SFMBT2: variants seen among roughly 807,000 people sequenced by gnomAD.
SFMBT2 encodes Scm like with four mbt domains 2, also known as scm-like with four MBT domains protein 2.
In SFMBT2, 38 loss-of-function variants were observed where a neutral mutation model predicts 110.1. That is an observed-to-expected ratio of 0.35 (90% CI 0.27 to 0.45). SFMBT2 has a LOEUF of 0.45. Among genes scored for constraint, SFMBT2 ranks in the 20% least tolerant of loss-of-function variants. The pLI is 1.00. For synonymous variants in SFMBT2, 425 were observed against 425.4 expected (o/e 1.00, Z 0.01); for missense variants, 1,011 against 1,094.9 (o/e 0.92, Z 1.08).
chr10:7,324,742 T>TTG (rs1236266910), intron 4 of SFMBT2, among the ~76,000 whole-genome samples: 1 of 152,200 alleles, frequency 6.6e-6, no homozygotes, highest in Non-Finnish European at 1.5e-5. Flanking sequence ...GGGGGCAGCA[T>TTG]GGTCAGTTTC....
At chr10:7,205,565 T>C in intron 12 of SFMBT2, 1 of 985,406 alleles carries the variant, frequency 1.0e-6, no homozygotes, top group Non-Finnish European at 1.2e-6. Flanking sequence ...AGAGTGATGA[T>C]TTCAGATATT....
At chr10:7,345,655 C>T (rs1231299411) in intron 4 of SFMBT2, among the ~76,000 whole-genome samples, 3 of 152,216 alleles carry the variant, frequency 2.0e-5, no homozygotes, top group African/African-American at 7.2e-5. Flanking sequence ...CCGTGCCCAG[C>T]CCAAATATCT....
At chr10:7,246,718 CAAAAAA>C (rs397949347) in intron 8 of SFMBT2, among the ~76,000 whole-genome samples, 2 of 72,158 alleles carry the variant, frequency 2.8e-5, no homozygotes, top group Non-Finnish European at 4.8e-5. Flanking sequence ...GACTCCATCT[CAAAAAA>C]AAAAAAAAAA....
chr10:7,225,788 G>A (rs1839883017), intron 10 of SFMBT2, among the ~76,000 whole-genome samples: 1 of 152,186 alleles, frequency 6.6e-6, no homozygotes, highest in Middle Eastern at 3.2e-3. Flanking sequence ...TCTTCCAAAA[G>A]TTAATGATTC....
intron 4 of SFMBT2, among the ~76,000 whole-genome samples, chr10:7,287,855 T>C (rs1842142726): frequency 6.6e-6 from 1 of 152,194 alleles, no homozygotes; most frequent in Admixed American, 6.5e-5. Flanking sequence ...TGCATGACTT[T>C]GAATAATTTA....
chr10:7,227,945 T>A lies in SFMBT2; in HGVS notation c.1121-8A>T. The A allele has an allele frequency of 6.3e-7, 1 of 1,578,724 alleles. No individual in the cohort carries two copies. The highest frequency in any genetic ancestry group is 1.7e-4 in the Middle Eastern group (1 of 5,960). ...AGTCCTGGCCAGAGTAACCTGGGAA[T>A]GACAAAACACAGATAAAACAGCGCA... is the stretch of plus-strand genomic sequence containing the variant. On this transcript the variant is annotated splice_polypyrimidine_tract_variant and splice_region_variant and intron_variant, in intron 9 of 20. Transcript: ENST00000397167.
chr10:7,244,403 T>A (rs17142586), intron 8 of SFMBT2, among the ~76,000 whole-genome samples: 2,463 of 152,318 alleles, frequency 0.016, 32 homozygotes, highest in Admixed American at 0.021. Flanking sequence ...CCTAGACCGA[T>A]TACACATCAG....
At chr10:7,199,294 T>A (rs879623282) in intron 14 of SFMBT2, among the ~76,000 whole-genome samples, 1 of 152,184 alleles carries the variant, frequency 6.6e-6, no homozygotes, top group Admixed American at 6.5e-5. Context: ...TTTCTTAATG[T>A]CTATAAATGT....
chr10:7,409,456 A>ACG (rs1846311871), intron 1 of SFMBT2: 1 of 152,128 alleles, frequency 6.6e-6, no homozygotes, highest in South Asian at 2.1e-4. Flanking sequence ...TGGTTCCAAG[A>ACG]CGCACACACA....
chr10:7,204,313 T>C (rs1839057905), intron 12 of SFMBT2: 8 of 983,860 alleles, frequency 8.1e-6, no homozygotes, highest in Non-Finnish European at 9.7e-6. Flanking sequence ...AGCTATGCAA[T>C]GGAACTGTGT....
rs717931 is a variant in SFMBT2, at chr10:7,262,006, C to T, written c.871-13357G>A. 8.7e-3 allele frequency among the ~76,000 whole-genome samples: 1,322 copies of T among 152,354 alleles called. 16 individuals carry two copies. The highest frequency in any genetic ancestry group is 0.03 in the African/African-American group (1,234 of 41,582). On this transcript the variant is annotated intron_variant, in intron 7 of 20. Coordinates refer to ENST00000397167, the MANE Select transcript of SFMBT2 (RefSeq NM_001387889.1). The stretch of plus-strand genomic sequence containing the variant: ...CCCTCCCTGGGGGCAGGGGTGACAG[C>T]GCTGAAGGGCAAGGCCCGGTGGCAT...
intron 4 of SFMBT2, among the ~76,000 whole-genome samples, chr10:7,342,644 G>A (rs909573043): frequency 1.4e-4 from 21 of 152,084 alleles, no homozygotes; most frequent in East Asian, 1.9e-4. Context: ...TGATCCGCCC[G>A]CCTCTGCCTC....
intron 15 of SFMBT2, among the ~76,000 whole-genome samples, chr10:7,196,310 C>A (rs1242239638): frequency 1.3e-5 from 2 of 152,176 alleles, no homozygotes; most frequent in African/African-American, 2.4e-5. Flanking sequence ...CCTTTTATGC[C>A]ACGGTTTATC....
chr10:7,320,900 C>T (rs1409136182), intron 4 of SFMBT2, among the ~76,000 whole-genome samples: 1 of 152,212 alleles, frequency 6.6e-6, no homozygotes, highest in Non-Finnish European at 1.5e-5. Context: ...GGCCTGCCAA[C>T]GGCCCAGTTC....
At position 7,172,025 on chromosome 10, in the gene SFMBT2, G is replaced by C; in HGVS notation, c.2285C>G (p.Thr762Ser). ...CACGGGCTCTGAGCCGCTCCGCAGG[G>C]TGACGGCCCTCCGGGGCCGGGCCGA... Reference protein sequence around the residue: ...VPSARPRRAVTLRSGSEPVRR... With the variant: ...VPSARPRRAVSLRSGSEPVRR... The change falls in exon 19 of 21, where the codon ACC (threonine) becomes AGC (serine). Residue 762 changes from threonine (T) to serine (S), a missense_variant. Transcript: ENST00000397167. This position sits in a 1 kb window ranked among gnomAD's most constrained non-coding sequence, Gnocchi z 4.6. The C allele has an allele frequency of 6.3e-7, 1 of 1,586,114 alleles. No homozygotes were observed. Among genetic ancestry groups the C allele is most frequent in the Non-Finnish European group, 8.6e-7 (1 of 1,167,842 alleles).
In SFMBT2 at chr10:7,410,941, C is replaced by T. The variant is rs984461191; in HGVS notation, c.-132G>A. ...AGGGCACCGGCCTCGCTCGCTTGCT[C>T]GCTCGCCCGCCCTTGCCCGCTCGCT... is the stretch of plus-strand genomic sequence containing the variant. On this transcript the variant is annotated 5_prime_UTR_variant, in exon 1 of 21. Transcript: ENST00000397167. Among the ~76,000 whole-genome samples the T allele has an allele frequency of 2.0e-5, 3 of 151,572 alleles. No individual in the cohort carries two copies. The highest frequency in any genetic ancestry group is 2.9e-5 in the Non-Finnish European group (2 of 67,830).
At chr10:7,254,393 T>C (rs771003357) in intron 7 of SFMBT2, among the ~76,000 whole-genome samples, 1 of 152,050 alleles carries the variant, frequency 6.6e-6, no homozygotes, top group Admixed American at 6.5e-5. Flanking sequence ...AGATCCAGAC[T>C]GAGAAGGAAC....
chr10:7,388,998 G>A (rs957189664), intron 1 of SFMBT2, among the ~76,000 whole-genome samples: 13 of 152,268 alleles, frequency 8.5e-5, no homozygotes, highest in Non-Finnish European at 1.6e-4. Flanking sequence ...GAAGGGAACA[G>A]GTCCAAGAAG....
chr10:7,392,430 G>A (rs1240189132), intron 1 of SFMBT2, among the ~76,000 whole-genome samples: 7 of 152,052 alleles, frequency 4.6e-5, no homozygotes, highest in African/African-American at 1.2e-4. Context: ...CAGGAGAATC[G>A]CTTGAACCCA....
Sources: allele counts gnomAD v4.1 joint callset (sites outside exome capture counted in the v4.1 genomes callset), GRCh38; gene constraint gnomAD v4.1.1; non-coding constraint Gnocchi (gnomAD v3.1); transcripts MANE v1.5; gene names NCBI Gene and HGNC (gene_info 2026-07-23, HGNC 2026-07-21).